DNAH14: variants seen among roughly 807,000 people sequenced by gnomAD.
DNAH14 encodes dynein axonemal heavy chain 14, also known as axonemal beta dynein heavy chain 14.
In DNAH14, 478 loss-of-function variants were observed where a neutral mutation model predicts 520.9. The ratio of observed to expected loss-of-function variants is 0.92; its 90% CI spans 0.85 to 0.99. The LOEUF (loss-of-function observed/expected upper bound fraction) is 0.99. DNAH14 is among the 50% of genes least tolerant of loss of function. The pLI is 0.00. For missense variants in DNAH14, 4,831 were observed against 5,234.5 expected, an observed-to-expected ratio of 0.92 and a Z score of 2.38; for synonymous variants, 1,581 against 1,757.2, an observed-to-expected ratio of 0.90 and a Z score of 2.51.
intron 75 of DNAH14, among the ~76,000 whole-genome samples, chr1:225,361,758 G>A (rs941452783): frequency 1.3e-5 from 2 of 152,094 alleles, no homozygotes; most frequent in Admixed American, 6.5e-5. Flanking sequence ...AGTGGCTCAC[G>A]CCTATAGTCC....
At chr1:224,958,719 A>G (rs765600765) in intron 3 of DNAH14, among the ~76,000 whole-genome samples, 1 of 152,062 alleles carries the variant, frequency 6.6e-6, no homozygotes, top group African/African-American at 2.4e-5. Context: ...TGATGGGAGG[A>G]CATCTAGAAA....
chr1:225,087,677 A>G (rs1035930705), intron 21 of DNAH14, among the ~76,000 whole-genome samples: 4 of 152,218 alleles, frequency 2.6e-5, no homozygotes, highest in African/African-American at 9.6e-5. Context: ...TTCTGATATG[A>G]GGAGATGATG....
At chr1:225,177,317 A>G (rs1192159665) in intron 36 of DNAH14, among the ~76,000 whole-genome samples, 1 of 152,206 alleles carries the variant, frequency 6.6e-6, no homozygotes, top group East Asian at 1.9e-4. Context: ...GTTTAAAAGC[A>G]TTCCATTTTA....
In DNAH14 at chr1:225,364,877, C is replaced by A; in HGVS notation, c.12073C>A (p.Leu4025Ile). 6.5e-7 allele frequency: 1 copy of A among 1,546,860 alleles called. No individual in the cohort carries two copies. Among genetic ancestry groups the A allele is most frequent in the Non-Finnish European group, 8.7e-7 (1 of 1,145,058 alleles). ...KSYSSFPIPV[L>I]KKGLKIAVES... The stretch of plus-strand genomic sequence containing the variant: ...ATACAGTTCTTTTCCAATTCCTGTT[C>A]TTAAAAAGGGTTTAAAGGTAAGAAC... The change falls in exon 76 of 86, where the codon CTT becomes ATT. Residue 4025 changes from leucine to isoleucine, a missense_variant. By Grantham distance (5) the Leu-to-Ile change is conservative (BLOSUM62 2). Coordinates refer to ENST00000682510, the MANE Select transcript of DNAH14 (RefSeq NM_001367479.1).
At chr1:225,040,151 G>C (rs569085724) in intron 12 of DNAH14, among the ~76,000 whole-genome samples, 1 of 152,014 alleles carries the variant, frequency 6.6e-6, no homozygotes, top group East Asian at 2.0e-4. Context: ...GTGTTAGCCA[G>C]GATGGTCTTG....
intron 30 of DNAH14, among the ~76,000 whole-genome samples, chr1:225,145,690 AG>A (rs2149052822): frequency 6.6e-6 from 1 of 152,334 alleles, no homozygotes; most frequent in East Asian, 1.9e-4. Flanking sequence ...AAACAATTAA[AG>A]AGTACTGCTT....
chr1:225,312,094 C>T (rs184132491), intron 60 of DNAH14, among the ~76,000 whole-genome samples: 17 of 152,136 alleles, frequency 1.1e-4, no homozygotes, highest in East Asian at 3.9e-4. Context: ...AATGTTTTTC[C>T]GTTTGTTTGT....
intron 5 of DNAH14, among the ~76,000 whole-genome samples, chr1:224,966,131 G>A (rs2061154692): frequency 6.6e-6 from 1 of 152,072 alleles, no homozygotes; most frequent in Admixed American, 6.6e-5. Flanking sequence ...CATTATACAA[G>A]TCATCATTTA....
chr1:225,331,965 C>G (rs1447170883), intron 65 of DNAH14, among the ~76,000 whole-genome samples: 1 of 88,824 alleles, frequency 1.1e-5, no homozygotes, highest in Non-Finnish European at 2.1e-5. Context: ...AAAGAAAATT[C>G]TCCCTTTTTT....
rs774745596 is a variant in DNAH14 at position 224,964,566 on chromosome 1, A to G, written c.455A>G (p.Lys152Arg). 1.2e-5 allele frequency: 19 copies of G among 1,604,956 alleles called. No homozygotes were observed. The highest frequency in any genetic ancestry group is 1.6e-5 in the Non-Finnish European group (19 of 1,174,836). ...WQTILPQHSL[K>R]YGSSKIAIQK... ...ACTATATTACCGCAGCACAGTTTGA[A>G]ATACGGAAGCTCCAAAATTGCAATT... is the stretch of plus-strand genomic sequence containing the variant. Residue 152 changes from lysine (K) to arginine (R), a missense_variant, in exon 5 of 86, where the codon AAA becomes AGA. By Grantham distance (26) the Lys-to-Arg change is conservative (BLOSUM62 2). Transcript: ENST00000682510.
chr1:225,317,633 A>C (rs144952581), intron 60 of DNAH14, among the ~76,000 whole-genome samples: 216 of 152,290 alleles, frequency 1.4e-3, no homozygotes, highest in African/African-American at 5.1e-3. Context: ...AAGAAAAAAA[A>C]AGTATAGCAG....
intron 73 of DNAH14, among the ~76,000 whole-genome samples, chr1:225,357,271 C>A (rs1239103390): frequency 1.3e-5 from 2 of 151,850 alleles, no homozygotes; most frequent in Non-Finnish European, 2.9e-5. Context: ...AAATTGAATT[C>A]AACAGAACTC....
chr1:225,142,392 C>G (rs1189425323), intron 28 of DNAH14, among the ~76,000 whole-genome samples: 2 of 152,162 alleles, frequency 1.3e-5, no homozygotes, highest in African/African-American at 4.8e-5. Flanking sequence ...TGTACAACAT[C>G]TATCAGACAC....
rs1437815961 is a variant in DNAH14, at chr1:225,156,966, C to T, written c.5274-2348C>T. On this transcript the variant is annotated intron_variant, in intron 34 of 85. Coordinates refer to ENST00000682510, the MANE Select transcript of DNAH14 (RefSeq NM_001367479.1). ...TCTTGACCTCGTGATCCGCCCGCCTCGGCCTCCCGAAGTGCTGGGATTACA... is the reference window on the plus strand; with the variant it reads ...TCTTGACCTCGTGATCCGCCCGCCTTGGCCTCCCGAAGTGCTGGGATTACA... Among the ~76,000 whole-genome samples the T allele has an allele frequency of 2.7e-5, 3 of 109,410 alleles. 1 individual carries two copies. The highest frequency in any genetic ancestry group is 4.7e-4 in the East Asian group (1 of 2,110). 71.8% of individuals were successfully genotyped at this position (109,410 alleles called of 152,430 possible). A position where few individuals can be genotyped will look rare whatever the true frequency, so the allele number is the denominator to read the frequency against.
intron 11 of DNAH14, among the ~76,000 whole-genome samples, chr1:225,035,394 T>C (rs913769443): frequency 1.3e-5 from 2 of 152,148 alleles, no homozygotes; most frequent in Non-Finnish European, 2.9e-5. Flanking sequence ...TTCTGTAGTT[T>C]CCTTGCTCTG....
intron 1 of DNAH14, among the ~76,000 whole-genome samples, chr1:224,930,359 C>G (rs953576488): frequency 5.3e-5 from 8 of 152,110 alleles, no homozygotes; most frequent in African/African-American, 1.9e-4. Flanking sequence ...ATAGACTACG[C>G]TAGGAAATAT....
chr1:225,351,957 C>G (rs774399839), intron 72 of DNAH14, 74 bp downstream of exon 72: 1 of 1,196,690 alleles, frequency 8.4e-7, no homozygotes, highest in Non-Finnish European at 1.2e-6. Flanking sequence ...TTGTAAATGT[C>G]GTACATTATC....
At chr1:225,280,129 A>G (rs2093593816) in intron 54 of DNAH14, among the ~76,000 whole-genome samples, 1 of 151,996 alleles carries the variant, frequency 6.6e-6, no homozygotes, top group South Asian at 2.1e-4. Flanking sequence ...TATAAAATTT[A>G]TCTACACTGA....
chr1:224,967,390 AAATT>A, intron 5 of DNAH14, 37 bp from the exon 6 acceptor site: 1 of 1,431,736 alleles, frequency 7.0e-7, no homozygotes, highest in African/African-American at 1.5e-5. Flanking sequence ...TAATTTAGTC[AAATT>A]AATTAAATTT....
Sources: allele counts gnomAD v4.1 joint callset (sites outside exome capture counted in the v4.1 genomes callset), GRCh38; gene constraint gnomAD v4.1.1; transcripts MANE v1.5; gene names NCBI Gene and HGNC (gene_info 2026-07-23, HGNC 2026-07-21).